Variants in HERC2 observed in about 807,000 individuals in gnomAD.
The protein encoded by HERC2 is HECT and RLD domain containing E3 ubiquitin protein ligase 2.
Under a neutral mutation model 537.7 loss-of-function variants are expected in HERC2, and 102 were observed. The ratio of observed to expected loss-of-function variants is 0.19; its 90% CI spans 0.16 to 0.22. HERC2 has a LOEUF of 0.22. HERC2 is among the 10% of genes least tolerant of loss of function. The probability of loss-of-function intolerance (pLI) is 1.00; values close to 1 mark genes in which losing one functional copy is unlikely to be tolerated. For synonymous variants in HERC2, 2,224 were observed against 2,466.2 expected (o/e 0.90, Z 2.91); for missense variants, 4,236 against 6,198.2 (o/e 0.68, Z 10.63).
In HERC2 at chr15:28,121,408, C is replaced by A; in HGVS notation, c.13210G>T (p.Val4404Leu). 3 of 1,614,212 alleles carry A rather than the reference C, an allele frequency of 1.9e-6. No homozygotes were observed. The highest frequency in any genetic ancestry group is 2.5e-6 in the Non-Finnish European group (3 of 1,180,034). The part of the protein sequence containing the change: ...QGKEAAFRKV[V>L]QATMVRDRQH... ...CGATCGCGTACCATAGTTGCTTGTA[C>A]TACTTTCCGGAAAGCCGCCTCCTAA... Residue 4404 changes from valine (V) to leucine (L), a missense_variant, in exon 86 of 93, where the codon GTA becomes TTA. Physicochemically the swap from Val to Leu is conservative, Grantham distance 32. This residue lies in a region of HERC2 where 189 missense variants were observed against 255.7 expected (regional missense o/e 0.74). Coordinates refer to ENST00000261609, the MANE Select transcript of HERC2 (RefSeq NM_004667.6).
At chr15:28,120,382 T>A (rs1233047475) in intron 86 of HERC2, among the ~76,000 whole-genome samples, 1 of 152,220 alleles carries the variant, frequency 6.6e-6, no homozygotes, top group African/African-American at 2.4e-5. Flanking sequence ...AAATCATGTG[T>A]TAATACAAAG....
intron 20 of HERC2, among the ~76,000 whole-genome samples, chr15:28,253,370 G>A (rs552731655): frequency 6.6e-6 from 1 of 152,324 alleles, no homozygotes; most frequent in African/African-American, 2.4e-5. Context: ...GTGAGGCAAT[G>A]ATAGAACCAG....
At chr15:28,233,384 T>A (rs778442108) in intron 29 of HERC2, 43 bp from the exon 30 acceptor site, 3 of 1,263,098 alleles carry the variant, frequency 2.4e-6, no homozygotes, top group African/African-American at 3.0e-5. Flanking sequence ...CAACAAATAT[T>A]TCAGCAACTG....
At position 28,152,699 on chromosome 15, in the gene HERC2, G is replaced by A. The variant is rs1161981582; in HGVS notation, c.10878C>T (p.Thr3626=). ...SSHPYTDDTS[T]SGTVKIPGAE... is the part of the protein sequence containing the mutation. ...TACCTGGTATCTTCACTGTGCCACT[G>A]GTGGAGGTGTCGTCGGTGTAAGGGT... Residue 3626 remains threonine, a synonymous_variant, in exon 70 of 93, where the codon ACC becomes ACT. Transcript: ENST00000261609. The A allele has an allele frequency of 7.1e-6, 11 of 1,550,876 alleles. No homozygotes were observed. The highest frequency in any genetic ancestry group is 8.7e-6 in the Non-Finnish European group (10 of 1,146,894).
At chr15:28,207,952 T>C (rs1898664551) in intron 44 of HERC2, among the ~76,000 whole-genome samples, 1 of 152,150 alleles carries the variant, frequency 6.6e-6, no homozygotes, top group South Asian at 2.1e-4. Context: ...GTTTTGTCAA[T>C]CTAGCTCTGT....
rs1367672149 is a variant in HERC2, at chr15:28,177,103, G to A, written c.9279C>T (p.Ile3093=). The part of the protein sequence containing the change: ...SRMNCDKPRL[I]EALKTKRIRD... ...GGATACGCTTGGTTTTCAGGGCCTC[G>A]ATCAGCCTTGGTTTGTCACAGTTCC... Residue 3093 remains isoleucine, a synonymous_variant, in exon 61 of 93, where the codon ATC becomes ATT. Coordinates refer to ENST00000261609, the MANE Select transcript of HERC2 (RefSeq NM_004667.6). This position sits in a 1 kb window ranked among gnomAD's most constrained non-coding sequence, Gnocchi z 5.0. 4.3e-6 allele frequency: 7 copies of A among 1,613,332 alleles called. No individual in the cohort carries two copies. Among genetic ancestry groups the A allele is most frequent in the African/African-American group, 1.3e-5 (1 of 75,030 alleles).
intron 19 of HERC2, among the ~76,000 whole-genome samples, chr15:28,255,163 T>A (rs1439965903): frequency 1.3e-5 from 2 of 152,046 alleles, no homozygotes; most frequent in Admixed American, 1.3e-4. Context: ...TAGTAACACC[T>A]TGTCTCTACA....
chr15:28,183,904 G>A (rs764135665), intron 56 of HERC2, among the ~76,000 whole-genome samples: 3 of 152,064 alleles, frequency 2.0e-5, no homozygotes, highest in Non-Finnish European at 4.4e-5. Context: ...AATATGTATG[G>A]GGACCAGGCA....
chr15:28,160,699 G>A (rs568974773), intron 69 of HERC2, among the ~76,000 whole-genome samples: 11 of 152,170 alleles, frequency 7.2e-5, no homozygotes, highest in African/African-American at 1.4e-4. Context: ...GCGATGCCTC[G>A]CCCTGCTTCA....
intron 86 of HERC2, chr15:28,118,131 A>T (rs1185075484): frequency 1.2e-5 from 2 of 166,352 alleles, no homozygotes; most frequent in Admixed American, 5.4e-5. Flanking sequence ...CGTGCCACAC[A>T]CACGGCTAGT....
At position 28,168,449 on chromosome 15, in the gene HERC2, G is replaced by T. The variant is rs146213654; in HGVS notation, c.10371C>A (p.Ile3457=). The T allele has an allele frequency of 4.8e-5, 78 of 1,613,846 alleles. No individual in the cohort carries two copies. In the African/African-American group the frequency reaches 1.0e-3, roughly 21 times the overall value. ...NGEECMLAVD[I]EDRLSPNPWQ... Reference sequence around the variant, plus strand: ...ATGGATTTGGACTCAGTCTGTCTTCGATATCAACAGCCAGCATGCATTCTT... The same window carrying T: ...ATGGATTTGGACTCAGTCTGTCTTCTATATCAACAGCCAGCATGCATTCTT... The change falls in exon 67 of 93, where the codon ATC becomes ATA. Residue 3457 remains isoleucine, a synonymous_variant. Coordinates refer to ENST00000261609, the MANE Select transcript of HERC2 (RefSeq NM_004667.6).
chr15:28,315,727 G>A (rs1449731382), intron 2 of HERC2: 4 of 1,209,374 alleles, frequency 3.3e-6, no homozygotes, highest in Non-Finnish European at 4.7e-6. Context: ...CGAATGCGCA[G>A]GCTGAAGCGC....
rs141882847 is a variant in HERC2, at chr15:28,240,381, A to G, written c.3578-1609T>C. Among the ~76,000 whole-genome samples the G allele has an allele frequency of 5.8e-4, 88 of 152,332 alleles. 1 individual carries two copies. In the East Asian group the frequency reaches 0.012, roughly 21 times the overall value. On this transcript the variant is annotated intron_variant, in intron 23 of 92. Coordinates refer to ENST00000261609, the MANE Select transcript of HERC2 (RefSeq NM_004667.6). ...TGCAGTGAGCTGAGATCACGTCACT[A>G]CACTCCCGCCTGGGCGAAAGAGCGA...
intron 86 of HERC2, among the ~76,000 whole-genome samples, chr15:28,118,774 T>C (rs2142069084): frequency 6.6e-6 from 1 of 152,214 alleles, no homozygotes; most frequent in East Asian, 1.9e-4. Flanking sequence ...ATTCAAACAA[T>C]GTTTTTCTCC....
chr15:28,191,041 T>C lies in HERC2; in HGVS notation c.8573A>G (p.Asn2858Ser), dbSNP rs755772052. The part of the protein sequence containing the change: ...LVVVSGGNSL[N>S]NLIELKTINI... Reference sequence around the variant, plus strand: ...GATTGTCTTTAGTTCAATAAGGTTATTCAGGGAATTTCCACCTAGGAAAAA... The same window carrying C: ...GATTGTCTTTAGTTCAATAAGGTTACTCAGGGAATTTCCACCTAGGAAAAA... The change falls in exon 55 of 93, where the codon AAT becomes AGT. Residue 2858 changes from asparagine to serine, a missense_variant. Transcript: ENST00000261609. 1.2e-6 allele frequency: 2 copies of C among 1,611,748 alleles called. No homozygotes were observed. The highest frequency in any genetic ancestry group is 1.1e-5 in the South Asian group (1 of 91,028).
rs1160723712 is a variant in HERC2, at chr15:28,215,702, G to A, written c.6129C>T (p.Leu2043=). Residue 2043 remains leucine (L), a synonymous_variant, in exon 39 of 93, where the codon CTC becomes CTT. Coordinates refer to ENST00000261609, the MANE Select transcript of HERC2 (RefSeq NM_004667.6). ...IALTPQVCGA[L]SSPQWITLLM... ...GCAGCGTGATCCACTGCGGGGAGCT[G>A]AGGGCGCCGCATACCTGCGGCGTGA... The A allele has an allele frequency of 3.1e-6, 5 of 1,611,888 alleles. No individual in the cohort carries two copies. The East Asian group carries it at 1.1e-4, about 36-fold the overall frequency.
chr15:28,315,062 G>A (rs2077045732), intron 2 of HERC2, among the ~76,000 whole-genome samples: 1 of 152,200 alleles, frequency 6.6e-6, no homozygotes, highest in South Asian at 2.1e-4. Flanking sequence ...CTATGTTACT[G>A]CCACCTCTTC....
intron 23 of HERC2, among the ~76,000 whole-genome samples, chr15:28,243,401 A>G (rs1255495523): frequency 6.6e-6 from 1 of 152,222 alleles, no homozygotes; most frequent in Non-Finnish European, 1.5e-5. Context: ...GATTTCACGA[A>G]TATTACTTCT....
chr15:28,296,221 A>C (rs933777981), intron 3 of HERC2, among the ~76,000 whole-genome samples: 3 of 152,164 alleles, frequency 2.0e-5, no homozygotes, highest in Non-Finnish European at 4.4e-5. Context: ...CACACCTGTA[A>C]ACCCCACACT....
Sources: gnomAD v4.1 joint callset for allele counts (sites outside exome capture counted in the v4.1 genomes callset) on GRCh38, gnomAD v4.1.1 for gene constraint, gnomAD v4.1.1 regional missense constraint, Gnocchi (gnomAD v3.1) non-coding constraint, MANE v1.5 for transcripts, NCBI Gene and HGNC (gene_info 2026-07-23, HGNC 2026-07-21) for gene names.